CACNA1D: variants seen among roughly 807,000 people sequenced by gnomAD.
The protein encoded by CACNA1D is calcium voltage-gated channel subunit alpha1 D.
In CACNA1D, 55 loss-of-function variants were observed where a neutral mutation model predicts 257.1. The observed-to-expected ratio is 0.21, with a 90% CI of 0.17 to 0.27. CACNA1D has a LOEUF of 0.27. CACNA1D is among the 10% of genes least tolerant of loss of function. The pLI, the probability that CACNA1D is intolerant of heterozygous loss-of-function variation, is 1.00. For missense variants in CACNA1D, 1,876 were observed against 2,784.0 expected (o/e 0.67, Z 7.34); for synonymous variants, 980 against 1,014.9 (o/e 0.97, Z 0.65).
intron 19 of CACNA1D, 42 bp downstream of exon 19, chr3:53,733,004 A>G (rs1414705746): frequency 1.1e-5 from 17 of 1,609,752 alleles, no homozygotes; most frequent in Admixed American, 1.7e-5. Context: ...GCCTCTTGCC[A>G]GTGACCCTAC....
chr3:53,718,577 C>A (rs1218835364), intron 10 of CACNA1D, 189 bp downstream of exon 10: 2 of 666,464 alleles, frequency 3.0e-6, no homozygotes, highest in Non-Finnish European at 5.4e-6. Context: ...ACCTCCCCAC[C>A]CCCCGCCCCC....
In CACNA1D at chr3:53,747,352, G is replaced by A. The variant is rs758204752; in HGVS notation, c.3218G>A (p.Arg1073His). 1.2e-5 allele frequency: 20 copies of A among 1,613,772 alleles called. No individual in the cohort carries two copies. Among genetic ancestry groups the A allele is most frequent in the Admixed American group, 3.3e-5 (2 of 60,010 alleles). The change falls in exon 26 of 48, where the codon CGT becomes CAT. Residue 1073 changes from arginine (R) to histidine (H), a missense_variant. Physicochemically the swap from Arg to His is conservative, Grantham distance 29. Coordinates refer to ENST00000350061, the MANE Select transcript of CACNA1D (RefSeq NM_001128840.3). ...GGGGATGTTGACAGTCCTGTGGTCC[G>A]TGAACGGATCTGGCAAAACAGTGAT... ...KDGDVDSPVV[R>H]ERIWQNSDFN...
chr3:53,519,326 T>C (rs1019235278), intron 3 of CACNA1D, among the ~76,000 whole-genome samples: 1 of 152,242 alleles, frequency 6.6e-6, no homozygotes, highest in Non-Finnish European at 1.5e-5. Flanking sequence ...CTGCTTTTTT[T>C]TTCTTGCCTG....
intron 44 of CACNA1D, among the ~76,000 whole-genome samples, 167 bp downstream of exon 44, chr3:53,803,739 G>T (rs1035277470): frequency 6.6e-6 from 1 of 152,228 alleles, no homozygotes; most frequent in Admixed American, 6.5e-5. Context: ...AAAGAGAGCC[G>T]CAGAGAGGCA....
At chr3:53,583,061 C>T (rs1054558765) in intron 3 of CACNA1D, among the ~76,000 whole-genome samples, 5 of 152,182 alleles carry the variant, frequency 3.3e-5, no homozygotes, top group Non-Finnish European at 7.3e-5. Context: ...TCACCATTCT[C>T]AGGCACAGCT....
chr3:53,644,876 T>C (rs753856625), intron 3 of CACNA1D, among the ~76,000 whole-genome samples: 4 of 152,236 alleles, frequency 2.6e-5, no homozygotes, highest in Non-Finnish European at 5.9e-5. Context: ...AGTTCCACTC[T>C]TAATTTTTTG....
At position 53,740,577 on chromosome 3, in the gene CACNA1D, T is replaced by G. The variant is rs556006821; in HGVS notation, c.2811+238T>G. 1.3e-3 allele frequency: 607 copies of G among 478,198 alleles called. 2 individuals are homozygous for G. The highest frequency in any genetic ancestry group is 0.011 in the African/African-American group (553 of 50,580). 29.6% of individuals were successfully genotyped at this position (478,198 alleles called of 1,614,324 possible). Reference sequence around the variant, plus strand: ...TTTGATTTTTTATGGGTTTTTTTTTTGTCTTTCGTGGTTGAGCTAAGTTTT... The same window carrying G: ...TTTGATTTTTTATGGGTTTTTTTTTGGTCTTTCGTGGTTGAGCTAAGTTTT... On this transcript the variant is annotated intron_variant, in intron 21 of 47. Transcript: ENST00000350061.
chr3:53,725,714 A>G (rs2094928980), intron 14 of CACNA1D, among the ~76,000 whole-genome samples: 1 of 152,238 alleles, frequency 6.6e-6, no homozygotes. Flanking sequence ...CCTATGACTC[A>G]GAGCCATCAG....
intron 40 of CACNA1D, chr3:53,796,438 T>C (rs1461173854): frequency 2.2e-6 from 1 of 455,266 alleles, no homozygotes; most frequent in Non-Finnish European, 4.4e-6. Flanking sequence ...TTGTGCATGC[T>C]TGCTGTGGCG....
In CACNA1D at chr3:53,745,730, A is replaced by G; in HGVS notation, c.3113A>G (p.Lys1038Arg). Residue 1038 changes from lysine (K) to arginine (R), a missense_variant and splice_region_variant, in exon 24 of 48, where the codon AAG (lysine) becomes AGG (arginine). Lys to Arg is a conservative substitution (Grantham distance 26). Transcript: ENST00000350061. ...MFACIGVQLF[K>R]GKFYRCTDEA... ...GCCTGTATCGGGGTCCAGTTGTTCA[A>G]GGTAGAGGAACTGCCTCCAAGCATA... 1.2e-6 allele frequency: 2 copies of G among 1,610,600 alleles called. No individual in the cohort carries two copies. Among genetic ancestry groups the G allele is most frequent in the Non-Finnish European group, 1.7e-6 (2 of 1,176,758 alleles).
chr3:53,799,568 A>G (rs1331248936), intron 40 of CACNA1D, among the ~76,000 whole-genome samples: 1 of 152,200 alleles, frequency 6.6e-6, no homozygotes, highest in Non-Finnish European at 1.5e-5. Context: ...GTGATCTTCA[A>G]AAAGCGGACC....
chr3:53,807,798 A>G (rs1288090411), intron 45 of CACNA1D: 1 of 152,232 alleles, frequency 6.6e-6, no homozygotes, highest in Non-Finnish European at 1.5e-5. Context: ...TTAGCAGGAC[A>G]AGCATTTTCT....
intron 30 of CACNA1D, among the ~76,000 whole-genome samples, chr3:53,766,861 T>C (rs773303704): frequency 4.6e-5 from 7 of 152,156 alleles, no homozygotes; most frequent in Non-Finnish European, 1.0e-4. Flanking sequence ...GAAAACTGAT[T>C]AGTAGCCCCT....
intron 37 of CACNA1D, 62 bp from the exon 38 acceptor site, chr3:53,779,964 A>G: frequency 1.8e-6 from 2 of 1,139,930 alleles, no homozygotes; most frequent in African/African-American, 1.5e-5. Context: ...TAAACATCCA[A>G]AAGGATATGG....
intron 3 of CACNA1D, among the ~76,000 whole-genome samples, chr3:53,586,276 CTG>C (rs57318445): frequency 0.064 from 8,745 of 135,744 alleles, 256 homozygotes; most frequent in African/African-American, 0.073. Flanking sequence ...TGCCTCTATT[CTG>C]TGTGTGTGTG....
chr3:53,762,669 G>C lies in CACNA1D; in HGVS notation c.3870+588G>C. 8.8e-6 allele frequency: 4 copies of C among 456,234 alleles called. No homozygotes were observed. The Middle Eastern group carries it at 1.3e-3, about 149-fold the overall frequency. The allele number at this position is 456,234 out of a possible 1,614,324, so 28.3% of individuals were successfully genotyped here. ...AAACTTTGTGTCCTATATCATGGTT[G>C]TTTTCATTAAGTCTGACATAGAAGA... On this transcript the variant is annotated intron_variant, in intron 30 of 47. Coordinates refer to ENST00000350061, the MANE Select transcript of CACNA1D (RefSeq NM_001128840.3).
At chr3:53,746,524 C>T (rs969680305) in intron 25 of CACNA1D, among the ~76,000 whole-genome samples, 5 of 152,156 alleles carry the variant, frequency 3.3e-5, no homozygotes, top group African/African-American at 7.2e-5. Context: ...TCTCCCCACC[C>T]GCGAGAGACA....
intron 3 of CACNA1D, among the ~76,000 whole-genome samples, chr3:53,584,763 T>C (rs1162068766): frequency 6.6e-6 from 1 of 152,226 alleles, no homozygotes; most frequent in Non-Finnish European, 1.5e-5. Flanking sequence ...AGCTGTCGTC[T>C]TGGGTGTATG....
chr3:53,545,828 A>G lies in CACNA1D; in HGVS notation c.483+44108A>G, dbSNP rs561258262. 7.2e-5 allele frequency among the ~76,000 whole-genome samples: 11 copies of G among 152,368 alleles called. No individual in the cohort carries two copies. In the East Asian group the frequency reaches 1.5e-3, roughly 21 times the overall value. On this transcript the variant is annotated intron_variant, in intron 3 of 47. Transcript: ENST00000350061. ...GGCAGGGAGGAGGCGCTCTGGCAAC[A>G]GTGGGAAGTCCAGATTGTTTCTATT...
Sources: gnomAD v4.1 joint callset for allele counts (sites outside exome capture counted in the v4.1 genomes callset) on GRCh38, gnomAD v4.1.1 for gene constraint, MANE v1.5 for transcripts, NCBI Gene and HGNC (gene_info 2026-07-23, HGNC 2026-07-21) for gene names.